Variants in CSMD1 observed in about 807,000 individuals in gnomAD.
CSMD1 encodes the protein CUB and sushi domain-containing protein 1.
CSMD1 carries 213 observed loss-of-function variants against 417.5 expected under a neutral mutation model. That is an observed-to-expected ratio of 0.51 (90% CI 0.46 to 0.57). The LOEUF (loss-of-function observed/expected upper bound fraction) is 0.57, where lower values mean the gene tolerates loss of function less well. Ranked by LOEUF, CSMD1 falls within the 20% of genes least tolerant of loss-of-function variation. CSMD1 has a pLI of 0.00. For synonymous variants in CSMD1, 2,862 were observed against 1,736.8 expected (o/e 1.65, Z -16.11); for missense variants, 6,923 against 4,529.7 (o/e 1.53, Z -15.17).
intron 5 of CSMD1, among the ~76,000 whole-genome samples, chr8:3,817,203 T>C (rs1311839719): frequency 1.4e-5 from 2 of 144,074 alleles, no homozygotes; most frequent in African/African-American, 5.1e-5. Context: ...TGGTCAATTG[T>C]CCACTCTGGA....
rs145468145 is a variant in CSMD1 at position 3,046,368 on chromosome 8, C to T, written c.7660+6094G>A. ...ACAGGAGATACCTGTACGCCTCCTC[C>T]GGTTCCTTCCACCCTACAGTGTGTA... On this transcript the variant is annotated intron_variant, in intron 50 of 69. Transcript: ENST00000635120. Among the ~76,000 whole-genome samples, 150 of 152,274 alleles carry T rather than the reference C, an allele frequency of 9.9e-4. 1 individual carries two copies. The highest frequency in any genetic ancestry group is 2.9e-3 in the African/African-American group (121 of 41,568).
In CSMD1 at chr8:4,312,462, C is replaced by T. The variant is rs893088619; in HGVS notation, c.415+107491G>A. 1.6e-4 allele frequency among the ~76,000 whole-genome samples: 18 copies of T among 114,356 alleles called. 1 individual carries two copies. The highest frequency in any genetic ancestry group is 3.4e-4 in the African/African-American group (7 of 20,636). 75.0% of individuals were successfully genotyped at this position (114,356 alleles called of 152,430 possible). ...GCGTATATATATACGTATATATATG[C>T]GCGTATATATATATATACACATATA... On this transcript the variant is annotated intron_variant, in intron 3 of 69. Transcript: ENST00000635120.
intron 1 of CSMD1, among the ~76,000 whole-genome samples, chr8:4,797,427 AG>A (rs1798043616): frequency 6.6e-6 from 1 of 152,168 alleles, no homozygotes; most frequent in Non-Finnish European, 1.5e-5. Flanking sequence ...AAACAGCAAA[AG>A]CAGAACACCT....
intron 1 of CSMD1, among the ~76,000 whole-genome samples, chr8:4,688,777 C>T (rs773431031): frequency 6.6e-6 from 1 of 152,166 alleles, no homozygotes; most frequent in Non-Finnish European, 1.5e-5. Context: ...ACCCAAGACT[C>T]AAAACTCCCC....
intron 1 of CSMD1, among the ~76,000 whole-genome samples, chr8:4,820,682 G>C (rs900367414): frequency 1.3e-5 from 2 of 152,176 alleles, no homozygotes; most frequent in Admixed American, 6.5e-5. Context: ...TCAAATGGCT[G>C]TATCATTTCC....
chr8:3,700,313 G>A (rs540918435), intron 7 of CSMD1, among the ~76,000 whole-genome samples: 21 of 152,270 alleles, frequency 1.4e-4, no homozygotes, highest in African/African-American at 4.8e-4. Flanking sequence ...ATGTAGTTCA[G>A]TTTATATTCT....
At chr8:4,614,615 C>CCA (rs1263992156) in intron 2 of CSMD1, among the ~76,000 whole-genome samples, 1 of 151,864 alleles carries the variant, frequency 6.6e-6, no homozygotes, top group Non-Finnish European at 1.5e-5. Flanking sequence ...CTGAGTATGA[C>CCA]CACACACACA....
At chr8:3,773,123 C>G (rs975689158) in intron 5 of CSMD1, among the ~76,000 whole-genome samples, 7 of 152,166 alleles carry the variant, frequency 4.6e-5, no homozygotes, top group African/African-American at 1.4e-4. Flanking sequence ...ACAACCTCAT[C>G]TCTTCGCCAA....
In CSMD1 at chr8:4,543,671, G is replaced by GAAA. The variant is rs35739254; in HGVS notation, c.302+93668_302+93670dup. On this transcript the variant is annotated intron_variant, in intron 2 of 69. Transcript: ENST00000635120. ...ATATGGGAAGGACACGTTTAATTTT[G>GAAA]AAAAAAAAAAAAAAAAAAAAAAAAA... Among the ~76,000 whole-genome samples, 36 of 57,332 alleles carry GAAA rather than the reference G, an allele frequency of 6.3e-4. 3 individuals are homozygous for GAAA. Among genetic ancestry groups the GAAA allele is most frequent in the African/African-American group, 2.1e-3 (32 of 15,312 alleles). The allele number at this position is 57,332 out of a possible 152,430, so 37.6% of individuals were successfully genotyped here.
intron 10 of CSMD1, among the ~76,000 whole-genome samples, chr8:3,526,686 C>G (rs1003013349): frequency 6.6e-6 from 1 of 152,180 alleles, no homozygotes; most frequent in Non-Finnish European, 1.5e-5. Context: ...AATAAAAGAT[C>G]TGGCTTCAAA....
chr8:3,350,286 G>A (rs1437505283), intron 21 of CSMD1, among the ~76,000 whole-genome samples: 3 of 147,614 alleles, frequency 2.0e-5, no homozygotes, highest in Non-Finnish European at 4.5e-5. Context: ...ACTTGTGTAT[G>A]TGTGTGTTAT....
intron 5 of CSMD1, among the ~76,000 whole-genome samples, chr8:3,983,997 C>T (rs1457805608): frequency 6.7e-6 from 1 of 148,254 alleles, no homozygotes; most frequent in African/African-American, 2.5e-5. Context: ...GAGCACAGGG[C>T]AGATCTGATG....
At chr8:4,063,817 T>G (rs147659619) in intron 3 of CSMD1, among the ~76,000 whole-genome samples, 1,525 of 152,332 alleles carry the variant, frequency 0.01, 13 homozygotes, top group Non-Finnish European at 0.014. Flanking sequence ...TGAGAGCACT[T>G]TGAATGTGGT....
chr8:3,600,254 G>C (rs1584944125), intron 8 of CSMD1, among the ~76,000 whole-genome samples: 1 of 152,134 alleles, frequency 6.6e-6, no homozygotes, highest in Non-Finnish European at 1.5e-5. Flanking sequence ...AGTATAAATA[G>C]GAAGCTTAGG....
chr8:3,706,270 T>C (rs35959066), intron 7 of CSMD1, among the ~76,000 whole-genome samples: 82,161 of 152,166 alleles, frequency 0.54, 22,343 homozygotes, highest in Admixed American at 0.6. Context: ...TTAATAATTG[T>C]GTAAGCGATG....
At position 4,396,826 on chromosome 8, in the gene CSMD1, A is replaced by C. The variant is rs551532673; in HGVS notation, c.415+23127T>G. ...TCTCACTTATAAGAAGTGGGAGCTA[A>C]GCTATGAGCATGAAAAGGCATAAGA... On this transcript the variant is annotated intron_variant, in intron 3 of 69. Coordinates refer to ENST00000635120, the MANE Select transcript of CSMD1 (RefSeq NM_033225.6). 3.0e-4 allele frequency among the ~76,000 whole-genome samples: 45 copies of C among 152,240 alleles called. 2 individuals carry two copies. The South Asian group carries it at 9.1e-3, about 31-fold the overall frequency.
At chr8:3,306,189 A>G (rs1415776955) in intron 25 of CSMD1, among the ~76,000 whole-genome samples, 1 of 152,204 alleles carries the variant, frequency 6.6e-6, no homozygotes, top group Non-Finnish European at 1.5e-5. Flanking sequence ...TATGATATCT[A>G]TGTGTAATAC....
At chr8:3,315,791 T>A (rs1444593472) in intron 23 of CSMD1, among the ~76,000 whole-genome samples, 1 of 152,194 alleles carries the variant, frequency 6.6e-6, no homozygotes, top group Admixed American at 6.5e-5. Flanking sequence ...GGAACTGTCT[T>A]ATTTTTTATC....
At chr8:4,910,841 G>A (rs749710144) in intron 1 of CSMD1, among the ~76,000 whole-genome samples, 4 of 152,146 alleles carry the variant, frequency 2.6e-5, no homozygotes, top group Non-Finnish European at 2.9e-5. Flanking sequence ...AACTGATATG[G>A]TTTGGCTGTG....
Sources: allele counts gnomAD v4.1 joint callset (sites outside exome capture counted in the v4.1 genomes callset), GRCh38; gene constraint gnomAD v4.1.1; transcripts MANE v1.5; gene names NCBI Gene and HGNC (gene_info 2026-07-23, HGNC 2026-07-21).